ELMO2: variants seen among roughly 807,000 people sequenced by gnomAD.
ELMO2 encodes the protein engulfment and cell motility protein 2.
In ELMO2, 37 loss-of-function variants were observed where a neutral mutation model predicts 96.2. The observed-to-expected ratio is 0.38, with a 90% CI of 0.30 to 0.51. ELMO2 has a LOEUF of 0.51. Ranked by LOEUF, ELMO2 falls within the 20% of genes least tolerant of loss-of-function variation. The pLI is 0.88. For missense variants in ELMO2, 561 were observed against 912.6 expected (o/e 0.61, Z 4.96); for synonymous variants, 315 against 329.4 (o/e 0.96, Z 0.47).
chr20:46,370,985 CAGG>C (rs892131354), intron 19 of ELMO2, among the ~76,000 whole-genome samples: 12 of 152,314 alleles, frequency 7.9e-5, no homozygotes, highest in African/African-American at 2.9e-4. Context: ...TCCCACTTTA[CAGG>C]AGAAGAAACC....
At chr20:46,394,903 T>TCTTA (rs1470969613) in intron 2 of ELMO2, among the ~76,000 whole-genome samples, 1 of 152,158 alleles carries the variant, frequency 6.6e-6, no homozygotes, top group Non-Finnish European at 1.5e-5. Flanking sequence ...AGACAGCCTT[T>TCTTA]TCTTGGTTGA....
Position 46,371,814 on chromosome 20 carries a change from C to A in ELMO2, c.1572G>T (p.Pro524=). The stretch of plus-strand genomic sequence containing the variant: ...CCTGAGATGGAACTTACACAATTGG[C>A]GGGGACTGGAAGTCATCCTGACTCA... ...ERMSQDDFQS[P]PIVELREKIQ... Residue 524 remains proline (P), a synonymous_variant, in exon 17 of 22, where the codon CCG becomes CCT. Coordinates refer to ENST00000290246, the MANE Select transcript of ELMO2 (RefSeq NM_133171.5). The surrounding 1 kb of genome is among the most constrained non-coding windows in gnomAD (Gnocchi z 5.9). The A allele has an allele frequency of 6.2e-7, 1 of 1,614,154 alleles. No homozygotes were observed. The highest frequency in any genetic ancestry group is 8.5e-7 in the Non-Finnish European group (1 of 1,180,014).
intron 16 of ELMO2, chr20:46,373,015 G>A (rs537753948): frequency 1.4e-4 from 25 of 176,672 alleles, no homozygotes; most frequent in Non-Finnish European, 2.6e-4. Flanking sequence ...TACCCAGGGT[G>A]TGCACATCAT....
At chr20:46,373,117 T>C (rs2059762955) in intron 16 of ELMO2, 1 of 388,938 alleles carries the variant, frequency 2.6e-6, no homozygotes, top group East Asian at 4.8e-5. Flanking sequence ...GTGAGTCTTC[T>C]AATGCTTATC....
chr20:46,392,682 T>C (rs1214473593), intron 6 of ELMO2, among the ~76,000 whole-genome samples: 1 of 152,250 alleles, frequency 6.6e-6, no homozygotes, highest in Non-Finnish European at 1.5e-5. Context: ...AAACACAGCA[T>C]ACCTCTGTGC....
At chr20:46,369,464 C>T (rs1268881742) in intron 20 of ELMO2, 1 of 154,944 alleles carries the variant, frequency 6.5e-6, no homozygotes, top group African/African-American at 2.4e-5. Flanking sequence ...ATTCTCGTTT[C>T]CTATATAAAC....
At chr20:46,385,052 G>C (rs890975895) in intron 9 of ELMO2, among the ~76,000 whole-genome samples, 1 of 152,188 alleles carries the variant, frequency 6.6e-6, no homozygotes, top group African/African-American at 2.4e-5. Context: ...TTTTTACTTG[G>C]ATTAGTGGGG....
At chr20:46,368,085 TC>T (rs1456720792) in intron 21 of ELMO2, among the ~76,000 whole-genome samples, 4 of 152,148 alleles carry the variant, frequency 2.6e-5, no homozygotes, top group Non-Finnish European at 4.4e-5. Context: ...ATCCCACCGC[TC>T]CCTGACTCTT....
At chr20:46,372,817 A>C (rs1241064990) in intron 16 of ELMO2, 1 of 152,246 alleles carries the variant, frequency 6.6e-6, no homozygotes, top group African/African-American at 2.4e-5. Flanking sequence ...GAGGAAAACA[A>C]AAATGTTTGT....
chr20:46,393,957 C>T lies in ELMO2; in HGVS notation c.119+92G>A, dbSNP rs1488588750. On this transcript the variant is annotated intron_variant, in intron 4 of 21. Coordinates refer to ENST00000290246, the MANE Select transcript of ELMO2 (RefSeq NM_133171.5). ...ACCCCCATGCTGAGGACCTGCCTAA[C>T]TGGAGATCCTTCCCAGAACTCCCCT... 5 of 1,558,680 alleles carry T rather than the reference C, an allele frequency of 3.2e-6. No homozygotes were observed. The East Asian group carries it at 1.1e-4, about 35-fold the overall frequency.
intron 6 of ELMO2, among the ~76,000 whole-genome samples, chr20:46,391,438 A>G (rs1285158917): frequency 6.6e-6 from 1 of 152,224 alleles, no homozygotes; most frequent in Admixed American, 6.5e-5. Context: ...AAATATAGGC[A>G]TTCAGTAAAC....
At position 46,375,392 on chromosome 20, in the gene ELMO2, C is replaced by A; in HGVS notation, c.931-22G>T. Reference sequence around the variant, plus strand: ...GAGCCTGCGAGGTGAAACAGACAGTCAGCAGGTGAATCGGCTAACCAAGGG... The same window carrying A: ...GAGCCTGCGAGGTGAAACAGACAGTAAGCAGGTGAATCGGCTAACCAAGGG... On this transcript the variant is annotated intron_variant, in intron 12 of 21. Coordinates refer to ENST00000290246, the MANE Select transcript of ELMO2 (RefSeq NM_133171.5). This position sits in a 1 kb window ranked among gnomAD's most constrained non-coding sequence, Gnocchi z 4.6. The A allele has an allele frequency of 6.2e-7, 1 of 1,612,118 alleles. No homozygotes were observed. The highest frequency in any genetic ancestry group is 1.1e-5 in the South Asian group (1 of 90,994).
rs1013517659 is a variant in ELMO2 at position 46,373,487 on chromosome 20, C to T, written c.1328G>A (p.Arg443Gln). 5 of 1,614,146 alleles carry T rather than the reference C, an allele frequency of 3.1e-6. No homozygotes were observed. The highest frequency in any genetic ancestry group is 3.4e-6 in the Non-Finnish European group (4 of 1,180,040). ...GATTCCAAAGAGCTCTTCAAAGGCT[C>T]GGTCATGGGTAAAGAACATCGGGTG... ...DYHPMFFTHD[R>Q]AFEELFGICI... Residue 443 changes from arginine to glutamine, a missense_variant, in exon 16 of 22, where the codon CGA becomes CAA. By Grantham distance (43) the Arg-to-Gln change is conservative (BLOSUM62 1). Transcript: ENST00000290246.
chr20:46,392,628 T>C (rs2060172066), intron 6 of ELMO2, among the ~76,000 whole-genome samples: 1 of 152,244 alleles, frequency 6.6e-6, no homozygotes, highest in African/African-American at 2.4e-5. Flanking sequence ...GGCTTCTCAA[T>C]GACTGCTACA....
At position 46,403,269 on chromosome 20, in the gene ELMO2, C is replaced by T. The variant is rs144549211; in HGVS notation, c.-126+3279G>A. Among the ~76,000 whole-genome samples, 1,447 of 152,296 alleles carry T rather than the reference C, an allele frequency of 9.5e-3. 20 individuals carry two copies. The highest frequency in any genetic ancestry group is 0.033 in the African/African-American group (1,351 of 41,536). ...AGGCAAAGCATTTGTTGGTGTTCCACTATTATTATTACTATTTCCCAGTGG... is the reference window on the plus strand; with the variant it reads ...AGGCAAAGCATTTGTTGGTGTTCCATTATTATTATTACTATTTCCCAGTGG... On this transcript the variant is annotated intron_variant, in intron 1 of 21. Coordinates refer to ENST00000290246, the MANE Select transcript of ELMO2 (RefSeq NM_133171.5).
At position 46,375,649 on chromosome 20, in the gene ELMO2, T is replaced by G. The variant is rs371958198; in HGVS notation, c.930+19A>C. ...TGCACCACAGCCATGAGAAAACAGC[T>G]GCCCCACTTAGCACCTACCTGGTCA... On this transcript the variant is annotated intron_variant, in intron 12 of 21. Transcript: ENST00000290246. The surrounding 1 kb of genome is among the most constrained non-coding windows in gnomAD (Gnocchi z 4.6). 305 of 1,613,826 alleles carry G rather than the reference T, an allele frequency of 1.9e-4. No individual in the cohort carries two copies. The highest frequency in any genetic ancestry group is 2.4e-4 in the Non-Finnish European group (284 of 1,179,836).
Position 46,371,143 on chromosome 20 carries a change from A to G in ELMO2, c.1801+209T>C, listed in dbSNP as rs2059694158. ...AGTCATGTACCACCCTTTACAGTCT[A>G]CACAATACATTCACACCTGTGAACT... On this transcript the variant is annotated intron_variant, in intron 19 of 21. Coordinates refer to ENST00000290246, the MANE Select transcript of ELMO2 (RefSeq NM_133171.5). The surrounding 1 kb of genome is among the most constrained non-coding windows in gnomAD (Gnocchi z 5.9). Among the ~76,000 whole-genome samples the G allele has an allele frequency of 6.6e-6, 1 of 152,200 alleles. No homozygotes were observed. The highest frequency in any genetic ancestry group is 2.1e-4 in the South Asian group (1 of 4,830).
chr20:46,373,423 C>G lies in ELMO2; in HGVS notation c.1392G>C (p.Arg464Ser), dbSNP rs1180800694. 1 of 1,614,206 alleles carries G rather than the reference C, an allele frequency of 6.2e-7. No individual in the cohort carries two copies. The highest frequency in any genetic ancestry group is 8.5e-7 in the Non-Finnish European group (1 of 1,180,040). Residue 464 changes from arginine to serine, a missense_variant, in exon 16 of 22, where the codon AGG (arginine) becomes AGC (serine). Arg to Ser is a moderately radical substitution (Grantham distance 110). Transcript: ENST00000290246. ...CCTTGTTGAAGTCCTCTGCTGTTGC[C>G]CTCATCTCCTTCCAGGTCTTGTTCA... Reference protein sequence around the residue: ...QLLNKTWKEMRATAEDFNKVM... With the variant: ...QLLNKTWKEMSATAEDFNKVM...
Position 46,375,638 on chromosome 20 carries a change from G to A in ELMO2, c.930+30C>T, listed in dbSNP as rs1188310197. On this transcript the variant is annotated intron_variant, in intron 12 of 21. Transcript: ENST00000290246. This position sits in a 1 kb window ranked among gnomAD's most constrained non-coding sequence, Gnocchi z 4.6. ...TAAGGCTGGACTGCACCACAGCCAT[G>A]AGAAAACAGCTGCCCCACTTAGCAC... is the stretch of plus-strand genomic sequence containing the variant. 6.2e-7 allele frequency: 1 copy of A among 1,613,696 alleles called. No individual in the cohort carries two copies. Among genetic ancestry groups the A allele is most frequent in the Non-Finnish European group, 8.5e-7 (1 of 1,179,664 alleles).
Sources: allele counts gnomAD v4.1 joint callset (sites outside exome capture counted in the v4.1 genomes callset), GRCh38; gene constraint gnomAD v4.1.1; non-coding constraint Gnocchi (gnomAD v3.1); transcripts MANE v1.5; gene names NCBI Gene and HGNC (gene_info 2026-07-23, HGNC 2026-07-21).